The following SLC7A1 variants were observed in gnomAD, a reference collection of about 807,000 sequenced individuals.
SLC7A1 encodes the protein high affinity cationic amino acid transporter 1.
SLC7A1 carries 10 observed loss-of-function variants against 53.9 expected under a neutral mutation model. That is an observed-to-expected ratio of 0.19 (90% CI 0.11 to 0.31). The LOEUF (loss-of-function observed/expected upper bound fraction) is 0.31, where lower values mean the gene tolerates loss of function less well. Among genes scored for constraint, SLC7A1 ranks in the 10% least tolerant of loss-of-function variants. SLC7A1 has a pLI of 1.00. For synonymous variants in SLC7A1, 342 were observed against 338.7 expected, an observed-to-expected ratio of 1.01 and a Z score of -0.11; for missense variants, 525 against 827.2, an observed-to-expected ratio of 0.63 and a Z score of 4.48.
chr13:29,578,487 T>C (rs1425064319), intron 1 of SLC7A1, among the ~76,000 whole-genome samples: 3 of 152,292 alleles, frequency 2.0e-5, no homozygotes, highest in Non-Finnish European at 4.4e-5. Context: ...CTAAAGGACC[T>C]TGGGCAAACG....
intron 8 of SLC7A1, among the ~76,000 whole-genome samples, chr13:29,520,916 A>T (rs1018308963): frequency 6.6e-6 from 1 of 152,248 alleles, no homozygotes; most frequent in Admixed American, 6.5e-5. Context: ...ATACTTATTT[A>T]CCACTCCCAC....
At chr13:29,588,505 TTTC>T (rs1447845846) in intron 1 of SLC7A1, among the ~76,000 whole-genome samples, 8 of 54,342 alleles carry the variant, frequency 1.5e-4, no homozygotes, top group Middle Eastern at 0.017. Flanking sequence ...TTTTCTTTTC[TTTC>T]TTTTTTTTTT....
At chr13:29,527,605 G>A (rs887042411) in intron 5 of SLC7A1, among the ~76,000 whole-genome samples, 8 of 152,314 alleles carry the variant, frequency 5.3e-5, no homozygotes, top group African/African-American at 1.7e-4. Context: ...ATGTCGCCCC[G>A]AGACAAAGTG....
At chr13:29,582,302 G>A (rs771847853) in intron 1 of SLC7A1, among the ~76,000 whole-genome samples, 12 of 152,112 alleles carry the variant, frequency 7.9e-5, no homozygotes, top group Non-Finnish European at 1.5e-4. Context: ...CAGAAGCCCC[G>A]CCTCTGCTGC....
chr13:29,547,372 C>A (rs1326850470), intron 2 of SLC7A1, among the ~76,000 whole-genome samples: 3 of 152,094 alleles, frequency 2.0e-5, no homozygotes, highest in African/African-American at 7.2e-5. Flanking sequence ...CAGGACCCAA[C>A]CGGGGCTTCG....
chr13:29,536,061 C>G lies in SLC7A1; in HGVS notation c.128G>C (p.Gly43Ala). Residue 43 changes from glycine to alanine, a missense_variant, in exon 3 of 13, where the codon GGC becomes GCC. Gly to Ala is a moderately conservative substitution (Grantham distance 60). Coordinates refer to ENST00000380752, the MANE Select transcript of SLC7A1 (RefSeq NM_003045.5). ...GTAGACACCAGCACCCAGTGTGCTG[C>G]CCACCCCGAGGGCCACCAGATCAAA... ...NTFDLVALGV[G>A]STLGAGVYVL... The G allele has an allele frequency of 6.2e-7, 1 of 1,613,986 alleles. No homozygotes were observed. Among genetic ancestry groups the G allele is most frequent in the Non-Finnish European group, 8.5e-7 (1 of 1,180,030 alleles).
chr13:29,559,718 C>T (rs1209571275), intron 1 of SLC7A1, among the ~76,000 whole-genome samples: 1 of 151,710 alleles, frequency 6.6e-6, no homozygotes, highest in Non-Finnish European at 1.5e-5. Flanking sequence ...TTTTTTGTAA[C>T]TCTTTTTTTT....
At chr13:29,529,260 T>C (rs565837952) in intron 5 of SLC7A1, among the ~76,000 whole-genome samples, 2 of 152,246 alleles carry the variant, frequency 1.3e-5, no homozygotes, top group African/African-American at 4.8e-5. Flanking sequence ...CATAGTTTCC[T>C]GTTTCCATTC....
intron 5 of SLC7A1, among the ~76,000 whole-genome samples, chr13:29,528,756 C>G (rs988624551): frequency 1.3e-5 from 2 of 152,202 alleles, no homozygotes; most frequent in African/African-American, 2.4e-5. Context: ...GGGCTGGGCC[C>G]TGGCAGTGAG....
At chr13:29,570,271 C>A (rs115860679) in intron 1 of SLC7A1, among the ~76,000 whole-genome samples, 3,910 of 152,332 alleles carry the variant, frequency 0.026, 169 homozygotes, top group African/African-American at 0.089. Flanking sequence ...AAAGGCCTAG[C>A]AGTTTGCATC....
At chr13:29,586,743 T>A (rs146725997) in intron 1 of SLC7A1, 1 of 152,340 alleles carries the variant, frequency 6.6e-6, no homozygotes, top group Non-Finnish European at 1.5e-5. Context: ...GAGACCCCAC[T>A]ATTTTCCTCC....
At chr13:29,578,906 C>T (rs59909234) in intron 1 of SLC7A1, among the ~76,000 whole-genome samples, 3,376 of 152,356 alleles carry the variant, frequency 0.022, 118 homozygotes, top group African/African-American at 0.076. Flanking sequence ...CAAGAACTCT[C>T]GCTCTCACAC....
chr13:29,557,139 C>G (rs907764536), intron 1 of SLC7A1, among the ~76,000 whole-genome samples: 4 of 152,162 alleles, frequency 2.6e-5, no homozygotes, highest in Non-Finnish European at 4.4e-5. Flanking sequence ...TTGTTAAAAG[C>G]AGAGTAATGC....
At chr13:29,546,868 C>G (rs909820288) in intron 2 of SLC7A1, among the ~76,000 whole-genome samples, 3 of 152,206 alleles carry the variant, frequency 2.0e-5, no homozygotes, top group African/African-American at 7.2e-5. Context: ...TCACACAACA[C>G]CAGCTCCACG....
intron 9 of SLC7A1, among the ~76,000 whole-genome samples, chr13:29,519,175 T>C (rs906089719): frequency 2.6e-5 from 4 of 152,038 alleles, no homozygotes; most frequent in African/African-American, 9.7e-5. Flanking sequence ...CCTGGCCTAA[T>C]AGTTGGACCG....
intron 1 of SLC7A1, among the ~76,000 whole-genome samples, chr13:29,589,443 A>G (rs1173302099): frequency 6.6e-6 from 1 of 152,200 alleles, no homozygotes; most frequent in Non-Finnish European, 1.5e-5. Flanking sequence ...CAAACTACTG[A>G]CCCAGAAAGA....
chr13:29,552,497 A>T (rs1416019056), intron 2 of SLC7A1, among the ~76,000 whole-genome samples: 1 of 152,180 alleles, frequency 6.6e-6, no homozygotes, highest in African/African-American at 2.4e-5. Context: ...TCTCTGCAGC[A>T]CTGTGACATG....
At chr13:29,586,544 G>A (rs1044435596) in intron 1 of SLC7A1, among the ~76,000 whole-genome samples, 5 of 152,070 alleles carry the variant, frequency 3.3e-5, no homozygotes, top group African/African-American at 7.2e-5. Flanking sequence ...CTTTGAAAAC[G>A]CCATTCTTAC....
chr13:29,552,411 A>T (rs1055902109), intron 2 of SLC7A1, among the ~76,000 whole-genome samples: 2 of 152,134 alleles, frequency 1.3e-5, no homozygotes, highest in African/African-American at 2.4e-5. Context: ...TTATAGTGGA[A>T]CTCTTTTTCC....
Sources: allele counts gnomAD v4.1 joint callset (sites outside exome capture counted in the v4.1 genomes callset), GRCh38; gene constraint gnomAD v4.1.1; transcripts MANE v1.5; gene names NCBI Gene and HGNC (gene_info 2026-07-23, HGNC 2026-07-21).